The following CEMIP variants were observed in gnomAD, a reference collection of about 807,000 sequenced individuals.
CEMIP encodes the protein cell migration-inducing and hyaluronan-binding protein.
A neutral mutation model predicts 156.9 loss-of-function variants in CEMIP; 105 were observed. That is an observed-to-expected ratio of 0.67 (90% CI 0.57 to 0.79). The LOEUF (loss-of-function observed/expected upper bound fraction) is 0.79, where lower values mean the gene tolerates loss of function less well. CEMIP is among the 30% of genes least tolerant of loss of function. CEMIP has a pLI of 0.00. For synonymous variants in CEMIP, 676 were observed against 668.4 expected, an observed-to-expected ratio of 1.01 and a Z score of -0.17; for missense variants, 1,457 against 1,769.4, an observed-to-expected ratio of 0.82 and a Z score of 3.17.
At chr15:80,801,897 T>C (rs1896386567) in intron 1 of CEMIP, among the ~76,000 whole-genome samples, 2 of 152,250 alleles carry the variant, frequency 1.3e-5, no homozygotes. Context: ...ACAAAGCATT[T>C]ACATTGTATT....
At chr15:80,829,118 TCTC>T (rs1462533473) in intron 1 of CEMIP, among the ~76,000 whole-genome samples, 1 of 152,116 alleles carries the variant, frequency 6.6e-6, no homozygotes, top group East Asian at 1.9e-4. Flanking sequence ...CCTTCTCTGT[TCTC>T]CTGATCCCTG....
At chr15:80,898,517 G>A (rs187147550) in intron 12 of CEMIP, among the ~76,000 whole-genome samples, 48 of 152,308 alleles carry the variant, frequency 3.2e-4, no homozygotes, top group Non-Finnish European at 5.6e-4. Context: ...CTGCTCCTTT[G>A]GGACATGCAG....
intron 1 of CEMIP, among the ~76,000 whole-genome samples, chr15:80,798,115 G>A (rs75930490): frequency 4.3e-3 from 661 of 152,190 alleles, no homozygotes; most frequent in African/African-American, 0.013. Context: ...CCATATAACC[G>A]TGTATTTCCT....
At chr15:80,896,352 T>G (rs186280395) in intron 12 of CEMIP, 1 of 560,750 alleles carries the variant, frequency 1.8e-6, no homozygotes, top group East Asian at 4.2e-5. Context: ...ACGGGGGAGA[T>G]TGCAAACTCC....
intron 1 of CEMIP, chr15:80,841,946 T>C (rs1157454452): frequency 6.9e-6 from 2 of 288,264 alleles, no homozygotes; most frequent in Non-Finnish European, 1.5e-5. Context: ...GGGGATTACA[T>C]ACAAAGATGC....
At chr15:80,930,601 TG>T (rs1490748234) in intron 21 of CEMIP, among the ~76,000 whole-genome samples, 9 of 152,142 alleles carry the variant, frequency 5.9e-5, no homozygotes, top group Admixed American at 5.9e-4. Context: ...AGCCACCCCT[TG>T]AGAATCAGGA....
In CEMIP at chr15:80,900,588, GTGTGTGTGT is replaced by G. The variant is rs1899447132; in HGVS notation, c.1411+4529_1411+4537del. Among the ~76,000 whole-genome samples the G allele has an allele frequency of 4.9e-4, 28 of 56,958 alleles. No individual in the cohort carries two copies. The South Asian group carries it at 0.013, about 27-fold the overall frequency. 37.4% of individuals were successfully genotyped at this position (56,958 alleles called of 152,430 possible). On this transcript the variant is annotated intron_variant, in intron 12 of 29. Coordinates refer to ENST00000394685, the MANE Select transcript of CEMIP (RefSeq NM_001293298.2). The stretch of plus-strand genomic sequence containing the variant: ...CACCAGAAAAGCCCCAGGTAGGGGT[GTGTGTGTGT>G]GTGTGTGTGTGTGTGTGTGTGTGTG...
intron 1 of CEMIP, among the ~76,000 whole-genome samples, chr15:80,846,503 T>C (rs990728082): frequency 6.6e-6 from 1 of 152,206 alleles, no homozygotes; most frequent in African/African-American, 2.4e-5. Context: ...TGCTTGGCCG[T>C]CTGGGTCAAG....
intron 1 of CEMIP, among the ~76,000 whole-genome samples, chr15:80,813,858 C>A (rs1896726319): frequency 1.3e-5 from 2 of 152,064 alleles, no homozygotes; most frequent in African/African-American, 2.4e-5. Flanking sequence ...TTCTAAAAGG[C>A]AAATTTGATC....
At chr15:80,901,575 A>ACG (rs1899554632) in intron 12 of CEMIP, among the ~76,000 whole-genome samples, 2 of 151,834 alleles carry the variant, frequency 1.3e-5, no homozygotes, top group African/African-American at 4.8e-5. Context: ...GGTGGCAGGC[A>ACG]CCTGTAATCC....
rs772493613 is a variant in CEMIP, at chr15:80,948,904, G to C, written c.4066G>C (p.Val1356Leu). The C allele has an allele frequency of 6.2e-7, 1 of 1,614,186 alleles. No individual in the cohort carries two copies. The highest frequency in any genetic ancestry group is 2.2e-5 in the East Asian group (1 of 44,874). Residue 1356 changes from valine to leucine, a missense_variant, in exon 30 of 30, where the codon GTG (valine) becomes CTG (leucine). Val to Leu is a conservative substitution (Grantham distance 32, BLOSUM62 1). Transcript: ENST00000394685. ...KIFQVVPIPV[V>L]KKKKL ...CTTCCAAGTTGTGCCCATCCCTGTG[G>C]TGAAGAAGAAGAAGTTGTGAGGACA...
At chr15:80,928,978 T>A (rs1209672918) in intron 20 of CEMIP, 41 bp downstream of exon 20, 1 of 1,614,258 alleles carries the variant, frequency 6.2e-7, no homozygotes, top group African/African-American at 1.3e-5. Flanking sequence ...CTGTGGGATC[T>A]TGTCTCTGGG....
At chr15:80,829,366 G>A (rs1262378765) in intron 1 of CEMIP, among the ~76,000 whole-genome samples, 3 of 152,156 alleles carry the variant, frequency 2.0e-5, no homozygotes, top group Non-Finnish European at 4.4e-5. Flanking sequence ...ATGCCTTTGG[G>A]AATGAGATGC....
chr15:80,814,131 C>T (rs1896735788), intron 1 of CEMIP, among the ~76,000 whole-genome samples: 2 of 144,576 alleles, frequency 1.4e-5, no homozygotes, highest in Non-Finnish European at 3.0e-5. Flanking sequence ...TCACTGCAAG[C>T]TCCACCTCTC....
intron 1 of CEMIP, among the ~76,000 whole-genome samples, chr15:80,789,435 T>C (rs1203802672): frequency 6.6e-6 from 1 of 152,228 alleles, no homozygotes; most frequent in Non-Finnish European, 1.5e-5. Context: ...GATGTGTCAC[T>C]AGTCTGTGAC....
At chr15:80,865,213 G>A (rs979793388) in intron 1 of CEMIP, among the ~76,000 whole-genome samples, 9 of 151,852 alleles carry the variant, frequency 5.9e-5, no homozygotes, top group African/African-American at 1.5e-4. Context: ...ACAGAGTCTC[G>A]CTCTGTCACC....
chr15:80,811,001 T>C (rs546531934), intron 1 of CEMIP, among the ~76,000 whole-genome samples: 131 of 152,316 alleles, frequency 8.6e-4, no homozygotes, highest in African/African-American at 3.1e-3. Context: ...CACGCAGACA[T>C]CATGCTTCTC....
chr15:80,846,252 G>A (rs576426066), intron 1 of CEMIP, among the ~76,000 whole-genome samples: 14 of 152,244 alleles, frequency 9.2e-5, no homozygotes, highest in African/African-American at 2.4e-4. Flanking sequence ...ACATAGGCCC[G>A]TGTGGGACAT....
chr15:80,785,725 A>G (rs961145975), intron 1 of CEMIP, among the ~76,000 whole-genome samples: 4 of 152,220 alleles, frequency 2.6e-5, no homozygotes, highest in African/African-American at 7.2e-5. Flanking sequence ...CTGAGGGCAT[A>G]TGAGGAGAGT....
Sources: allele counts gnomAD v4.1 joint callset (sites outside exome capture counted in the v4.1 genomes callset), GRCh38; gene constraint gnomAD v4.1.1; transcripts MANE v1.5; gene names NCBI Gene and HGNC (gene_info 2026-07-23, HGNC 2026-07-21).